HEATR5B: variants seen among roughly 807,000 people sequenced by gnomAD.
HEATR5B encodes HEAT repeat-containing protein 5B.
In HEATR5B, 156 loss-of-function variants were observed where a neutral mutation model predicts 224.1. That is an observed-to-expected ratio of 0.70 (90% CI 0.61 to 0.80). The LOEUF is 0.80. Among genes scored for constraint, HEATR5B ranks in the 30% least tolerant of loss-of-function variants. The probability of loss-of-function intolerance (pLI) is 0.00; values close to 1 mark genes in which losing one functional copy is unlikely to be tolerated. For synonymous variants in HEATR5B, 1,027 were observed against 893.0 expected, an observed-to-expected ratio of 1.15 and a Z score of -2.68; for missense variants, 2,323 against 2,535.5, an observed-to-expected ratio of 0.92 and a Z score of 1.80.
rs1168185928 is a variant in HEATR5B at position 37,057,433 on chromosome 2, T to C, written c.2107A>G (p.Thr703Ala). The change falls in exon 15 of 36, where the codon ACT becomes GCT. Residue 703 changes from threonine (T) to alanine (A), a missense_variant. By Grantham distance (58) the Thr-to-Ala change is moderately conservative (BLOSUM62 0). Coordinates refer to ENST00000233099, the MANE Select transcript of HEATR5B (RefSeq NM_019024.3). ...GTAGTTGTGTTGGCTGAGTTGTCAG[T>C]CAAAGTGAATTCCGCTACCAGTTCT... ...LRELVAEFTL[T>A]DNSANTTTSL... The C allele has an allele frequency of 3.1e-6, 5 of 1,611,022 alleles. No homozygotes were observed. Among genetic ancestry groups the C allele is most frequent in the Non-Finnish European group, 4.2e-6 (5 of 1,178,606 alleles).
chr2:37,028,620 T>C (rs987957637), intron 23 of HEATR5B, 61 bp downstream of exon 23: 14 of 1,344,668 alleles, frequency 1.0e-5, no homozygotes, highest in South Asian at 3.8e-5. Flanking sequence ...CATATATCTA[T>C]ATGTATATAT....
intron 2 of HEATR5B, among the ~76,000 whole-genome samples, chr2:37,079,704 A>G (rs928725283): frequency 1.3e-5 from 2 of 152,236 alleles, no homozygotes; most frequent in African/African-American, 4.8e-5. Context: ...AAGTGAAGTC[A>G]GTAGTTCATA....
intron 26 of HEATR5B, among the ~76,000 whole-genome samples, chr2:37,015,436 G>A (rs371460524): frequency 9.9e-5 from 15 of 152,186 alleles, no homozygotes; most frequent in African/African-American, 2.6e-4. Context: ...GAGATGATAC[G>A]GATCAAACTG....
rs188726481 is a variant in HEATR5B at position 37,010,698 on chromosome 2, G to C, written c.4285-1850C>G. Among the ~76,000 whole-genome samples the C allele has an allele frequency of 4.6e-3, 695 of 152,048 alleles. 6 individuals are homozygous for C. Among genetic ancestry groups the C allele is most frequent in the African/African-American group, 0.016 (669 of 41,478 alleles). On this transcript the variant is annotated intron_variant, in intron 27 of 35. Transcript: ENST00000233099. ...CTGACTAATTTTTGTATTTTTAGTA[G>C]AGACAGGGTTTCTCCACGTTGGCCA...
chr2:37,048,980 G>C (rs1325943476), intron 18 of HEATR5B, among the ~76,000 whole-genome samples: 1 of 152,156 alleles, frequency 6.6e-6, no homozygotes, highest in African/African-American at 2.4e-5. Flanking sequence ...TGATAGCTAA[G>C]AATGATATAA....
At position 37,061,921 on chromosome 2, in the gene HEATR5B, A is replaced by G; in HGVS notation, c.1696+18T>C. 1 of 1,488,128 alleles carries G rather than the reference A, an allele frequency of 6.7e-7. No homozygotes were observed. Among genetic ancestry groups the G allele is most frequent in the Non-Finnish European group, 9.4e-7 (1 of 1,066,612 alleles). The allele number at this position is 1,488,128 out of a possible 1,614,324, so 92.2% of individuals were successfully genotyped here. On this transcript the variant is annotated intron_variant, in intron 11 of 35. Coordinates refer to ENST00000233099, the MANE Select transcript of HEATR5B (RefSeq NM_019024.3). ...ACAGTTATAGCGTGACAAAAATCCT[A>G]CTCAAATATAATTATACCTAAAGTC...
chr2:37,019,451 CCT>C (rs1000423262), intron 26 of HEATR5B, among the ~76,000 whole-genome samples: 13 of 151,318 alleles, frequency 8.6e-5, no homozygotes, highest in African/African-American at 2.9e-4. Context: ...TTTTGTTTTT[CCT>C]CTCTCTCTTT....
At chr2:37,059,782 G>A (rs984058460) in intron 12 of HEATR5B, among the ~76,000 whole-genome samples, 1 of 151,792 alleles carries the variant, frequency 6.6e-6, no homozygotes, top group Non-Finnish European at 1.5e-5. Flanking sequence ...TTTGCATTTT[G>A]AATTTTTACA....
At position 36,988,844 on chromosome 2, in the gene HEATR5B, A is replaced by T. The variant is rs750970688; in HGVS notation, c.5713T>A (p.Tyr1905Asn). The T allele has an allele frequency of 6.8e-6, 11 of 1,613,914 alleles. No individual in the cohort carries two copies. Among genetic ancestry groups the T allele is most frequent in the Non-Finnish European group, 9.3e-6 (11 of 1,179,896 alleles). The change falls in exon 35 of 36, where the codon TAC (tyrosine) becomes AAC (asparagine). Residue 1905 changes from tyrosine to asparagine, a missense_variant. Physicochemically the swap from Tyr to Asn is moderately radical, Grantham distance 143. Coordinates refer to ENST00000233099, the MANE Select transcript of HEATR5B (RefSeq NM_019024.3). ...SCDPWVQAKC[Y>N]QLLLSVFQHS... is the part of the protein sequence containing the mutation. ...TGGAAGACTGAGAGGAGAAGCTGGT[A>T]ACATTTGGCTTGAACCTATATAAGA...
At position 37,053,492 on chromosome 2, in the gene HEATR5B, A is replaced by G; in HGVS notation, c.2505+10T>C. 6.6e-7 allele frequency: 1 copy of G among 1,506,708 alleles called. No homozygotes were observed. The highest frequency in any genetic ancestry group is 9.1e-7 in the Non-Finnish European group (1 of 1,099,730). The allele number at this position is 1,506,708 out of a possible 1,614,324, so 93.3% of individuals were successfully genotyped here. A position where few individuals can be genotyped will look rare whatever the true frequency, so the allele number is the denominator to read the frequency against. On this transcript the variant is annotated intron_variant, in intron 17 of 35. Coordinates refer to ENST00000233099, the MANE Select transcript of HEATR5B (RefSeq NM_019024.3). Reference sequence around the variant, plus strand: ...CTTATTTCAGAATAGTATGTATTAAAAGTAAATACCTTTAGTGCACTAAGA... The same window carrying G: ...CTTATTTCAGAATAGTATGTATTAAGAGTAAATACCTTTAGTGCACTAAGA...
At chr2:37,010,304 G>A (rs1297040036) in intron 27 of HEATR5B, among the ~76,000 whole-genome samples, 1 of 152,058 alleles carries the variant, frequency 6.6e-6, no homozygotes, top group African/African-American at 2.4e-5. Context: ...GAAAGCCTAA[G>A]TATGGTATCT....
At chr2:37,007,337 C>CTTTTTTTTTTTTTTTTTTTTTTTTTTTTT (rs3080796) in intron 28 of HEATR5B, 33 bp from the exon 29 acceptor site, 1 of 909,288 alleles carries the variant, frequency 1.1e-6, no homozygotes, top group Non-Finnish European at 1.4e-6. Context: ...AAAAACATTA[C>CTTTTTTTTTTTTTTTTTTTTTTTTTTTTT]TTTTTTTTTT....
Position 37,032,669 on chromosome 2 carries a change from G to A in HEATR5B, c.3321C>T (p.Ser1107=), listed in dbSNP as rs755158079. 1 of 1,613,480 alleles carries A rather than the reference G, an allele frequency of 6.2e-7. No individual in the cohort carries two copies. Among genetic ancestry groups the A allele is most frequent in the South Asian group, 1.1e-5 (1 of 90,942 alleles). ...CTTTGTCCCCTGTATTTTTTGCCAGGCTCATGGCATATTCACATACTTCCG... is the reference window on the plus strand; with the variant it reads ...CTTTGTCCCCTGTATTTTTTGCCAGACTCATGGCATATTCACATACTTCCG... The part of the protein sequence containing the change: ...EAAEVCEYAM[S]LAKNTGDKES... Residue 1107 remains serine (S), a synonymous_variant, in exon 22 of 36, where the codon AGC becomes AGT. Coordinates refer to ENST00000233099, the MANE Select transcript of HEATR5B (RefSeq NM_019024.3).
intron 17 of HEATR5B, 25 bp from the exon 18 acceptor site, chr2:37,049,868 A>C: frequency 1.4e-6 from 2 of 1,442,808 alleles, no homozygotes; most frequent in Non-Finnish European, 1.8e-6. Context: ...AAAAAAAAAA[A>C]AAGACAGCAA....
Position 37,040,376 on chromosome 2 carries a change from C to T in HEATR5B, c.2999G>A (p.Gly1000Asp), listed in dbSNP as rs1669795711. The T allele has an allele frequency of 6.2e-7, 1 of 1,613,958 alleles. No homozygotes were observed. The highest frequency in any genetic ancestry group is 8.5e-7 in the Non-Finnish European group (1 of 1,179,944). Residue 1000 changes from glycine (G) to aspartate (D), a missense_variant, in exon 20 of 36, where the codon GGT (glycine) becomes GAT (aspartate). Gly to Asp is a moderately conservative substitution (Grantham distance 94). Around this residue, in one of 12 missense-constraint regions of HEATR5B, gnomAD observed 22 missense variants for 46.9 expected, o/e 0.47. Transcript: ENST00000233099. Reference sequence around the variant, plus strand: ...AGTTATTATAGCACCCAAGCATCGACCCAAACACTGATGAACTTCTGTATG... The same window carrying T: ...AGTTATTATAGCACCCAAGCATCGATCCAAACACTGATGAACTTCTGTATG... ...PSHTEVHQCL[G>D]RCLGAIITTV...
At chr2:37,034,167 C>G (rs922548399) in intron 21 of HEATR5B, among the ~76,000 whole-genome samples, 1 of 151,226 alleles carries the variant, frequency 6.6e-6, no homozygotes, top group Non-Finnish European at 1.5e-5. Flanking sequence ...CCACCACGCC[C>G]GGCTAATTTT....
chr2:37,005,540 C>A, intron 30 of HEATR5B, 92 bp downstream of exon 30: 5 of 1,145,994 alleles, frequency 4.4e-6, no homozygotes, highest in Non-Finnish European at 6.4e-6. Flanking sequence ...AAAATAGGAT[C>A]CAATACAGAA....
intron 22 of HEATR5B, among the ~76,000 whole-genome samples, chr2:37,029,792 A>T (rs987621659): frequency 2.0e-5 from 3 of 151,784 alleles, no homozygotes; most frequent in African/African-American, 7.3e-5. Flanking sequence ...TACAAAAATT[A>T]GCCGGGTGCA....
At chr2:37,050,319 C>T (rs886865282) in intron 17 of HEATR5B, among the ~76,000 whole-genome samples, 5 of 152,158 alleles carry the variant, frequency 3.3e-5, no homozygotes, top group African/African-American at 7.2e-5. Flanking sequence ...GTTCAATTCA[C>T]GGTAATTACT....
Sources: gnomAD v4.1 joint callset for allele counts (sites outside exome capture counted in the v4.1 genomes callset) on GRCh38, gnomAD v4.1.1 for gene constraint, gnomAD v4.1.1 regional missense constraint, MANE v1.5 for transcripts, NCBI Gene and HGNC (gene_info 2026-07-23, HGNC 2026-07-21) for gene names.